GMDS: variants seen among roughly 807,000 people sequenced by gnomAD.
The protein encoded by GMDS is GDP-mannose 4,6-dehydratase.
In GMDS, 20 loss-of-function variants were observed where a neutral mutation model predicts 49.9. That is an observed-to-expected ratio of 0.40 (90% CI 0.28 to 0.58). The LOEUF (loss-of-function observed/expected upper bound fraction) is 0.58, where lower values mean the gene tolerates loss of function less well. Ranked by LOEUF, GMDS falls within the 20% of genes least tolerant of loss-of-function variation. GMDS has a pLI of 0.42. For missense variants in GMDS, 362 were observed against 481.4 expected, an observed-to-expected ratio of 0.75 and a Z score of 2.32; for synonymous variants, 177 against 178.6, an observed-to-expected ratio of 0.99 and a Z score of 0.07.
chr6:1,697,866 C>T (rs542036477), intron 9 of GMDS, among the ~76,000 whole-genome samples: 2 of 152,322 alleles, frequency 1.3e-5, no homozygotes, highest in South Asian at 4.1e-4. Flanking sequence ...TTGGATTGCT[C>T]AAACTGAACG....
chr6:1,686,445 A>G (rs1230151683), intron 9 of GMDS, among the ~76,000 whole-genome samples: 2 of 152,216 alleles, frequency 1.3e-5, no homozygotes, highest in Admixed American at 6.5e-5. Context: ...AGTGAGTGTC[A>G]CTGGGATCTC....
At chr6:1,961,526 G>C (rs190160784) in intron 4 of GMDS, among the ~76,000 whole-genome samples, 62 of 152,264 alleles carry the variant, frequency 4.1e-4, no homozygotes, top group Admixed American at 3.2e-3. Context: ...ACAGCAAGAT[G>C]CTAATGTATA....
rs569854134 is a variant in GMDS, at chr6:2,063,630, C to A, written c.345+52141G>T. ...AAAACCTTTATGAGGCTAGCTCTCACAGGCATGTTCCAAACTCAATAAAAG... is the reference window on the plus strand; with the variant it reads ...AAAACCTTTATGAGGCTAGCTCTCAAAGGCATGTTCCAAACTCAATAAAAG... On this transcript the variant is annotated intron_variant, in intron 4 of 10. Coordinates refer to ENST00000380815, the MANE Select transcript of GMDS (RefSeq NM_001500.4). Among the ~76,000 whole-genome samples, 18 of 152,342 alleles carry A rather than the reference C, an allele frequency of 1.2e-4. No homozygotes were observed. In the South Asian group the frequency reaches 3.5e-3, roughly 30 times the overall value.
intron 7 of GMDS, among the ~76,000 whole-genome samples, chr6:1,763,409 A>G (rs1265637911): frequency 6.6e-6 from 1 of 152,244 alleles, no homozygotes; most frequent in Non-Finnish European, 1.5e-5. Context: ...GCATGGAGAT[A>G]AAACCCCAGC....
intron 1 of GMDS, among the ~76,000 whole-genome samples, chr6:2,132,542 T>C (rs1025904892): frequency 2.6e-5 from 4 of 152,288 alleles, no homozygotes; most frequent in African/African-American, 9.6e-5. Context: ...CCTGTACAGC[T>C]AATCAAAATG....
At chr6:1,936,838 G>A (rs1464629879) in intron 6 of GMDS, among the ~76,000 whole-genome samples, 2 of 151,790 alleles carry the variant, frequency 1.3e-5, no homozygotes, top group Admixed American at 6.6e-5. Flanking sequence ...GTGGTGGTGC[G>A]AGCATATAAT....
Position 1,999,847 on chromosome 6 carries a change from C to T in GMDS, c.346-38881G>A, listed in dbSNP as rs1011216713. Among the ~76,000 whole-genome samples, 16 of 132,256 alleles carry T rather than the reference C, an allele frequency of 1.2e-4. No homozygotes were observed. The Admixed American group carries it at 1.4e-3, about 11-fold the overall frequency. 86.8% of individuals were successfully genotyped at this position (132,256 alleles called of 152,430 possible). A position where few individuals can be genotyped will look rare whatever the true frequency, so the allele number is the denominator to read the frequency against. On this transcript the variant is annotated intron_variant, in intron 4 of 10. Coordinates refer to ENST00000380815, the MANE Select transcript of GMDS (RefSeq NM_001500.4). Reference sequence around the variant, plus strand: ...TTATCTGTTGCCATAGTTCACACAGCTGTTTGGTCTTACTTTTCAAAAATA... The same window carrying T: ...TTATCTGTTGCCATAGTTCACACAGTTGTTTGGTCTTACTTTTCAAAAATA...
chr6:2,066,334 T>C (rs9405543), intron 4 of GMDS, among the ~76,000 whole-genome samples: 73,963 of 124,100 alleles, frequency 0.6, 22,615 homozygotes, highest in East Asian at 0.68. Context: ...TAAAGACCAT[T>C]GAGACTAGGA....
chr6:1,740,194 AG>A (rs1767211390), intron 8 of GMDS, among the ~76,000 whole-genome samples: 1 of 152,154 alleles, frequency 6.6e-6, no homozygotes, highest in African/African-American at 2.4e-5. Flanking sequence ...AAAATATGTT[AG>A]AGAGTTATTA....
At chr6:1,713,789 C>A (rs75260118) in intron 9 of GMDS, among the ~76,000 whole-genome samples, 5,662 of 152,214 alleles carry the variant, frequency 0.037, 271 homozygotes, top group East Asian at 0.22. Flanking sequence ...ATCTGATCCA[C>A]GGGCCTATCT....
chr6:1,770,670 G>A (rs1304134830), intron 7 of GMDS, among the ~76,000 whole-genome samples: 1 of 152,226 alleles, frequency 6.6e-6, no homozygotes, highest in Non-Finnish European at 1.5e-5. Flanking sequence ...TTCCTGTTTT[G>A]AGAGCCAACC....
At chr6:1,993,208 G>C (rs1246868334) in intron 4 of GMDS, among the ~76,000 whole-genome samples, 1 of 152,082 alleles carries the variant, frequency 6.6e-6, no homozygotes, top group Non-Finnish European at 1.5e-5. Flanking sequence ...TTCCTTCTCG[G>C]AGGGTATGGG....
At position 2,071,082 on chromosome 6, in the gene GMDS, GCT is replaced by G. The variant is rs1190565419; in HGVS notation, c.345+44687_345+44688del. Among the ~76,000 whole-genome samples the G allele has an allele frequency of 2.6e-5, 4 of 152,214 alleles. No homozygotes were observed. In the East Asian group the frequency reaches 5.8e-4, roughly 22 times the overall value. On this transcript the variant is annotated intron_variant, in intron 4 of 10. Coordinates refer to ENST00000380815, the MANE Select transcript of GMDS (RefSeq NM_001500.4). ...GAAAGTGCTCTTTTTCCAATGGCTT[GCT>G]CTGTCTCTTGTCCACATACACATCT...
chr6:1,632,339 T>C (rs1002455528), intron 9 of GMDS, among the ~76,000 whole-genome samples: 1 of 152,158 alleles, frequency 6.6e-6, no homozygotes, highest in Non-Finnish European at 1.5e-5. Flanking sequence ...GAAGAGTCCA[T>C]ATTGTACATA....
chr6:2,241,989 G>C (rs565193415), intron 1 of GMDS, among the ~76,000 whole-genome samples: 66 of 152,262 alleles, frequency 4.3e-4, no homozygotes, highest in Middle Eastern at 3.4e-3. Context: ...CTAGATGAAG[G>C]CATGTGGGAG....
At chr6:1,624,406 C>T (rs1392769485) in intron 10 of GMDS, 66 bp downstream of exon 10, 1 of 1,474,454 alleles carries the variant, frequency 6.8e-7, no homozygotes, top group Admixed American at 1.8e-5. Context: ...GCGCCCGACC[C>T]TGAGAGCTGC....
At chr6:1,940,077 T>C (rs1313490096) in intron 6 of GMDS, among the ~76,000 whole-genome samples, 2 of 152,218 alleles carry the variant, frequency 1.3e-5, no homozygotes, top group East Asian at 1.9e-4. Context: ...ATTCTACTTA[T>C]CACACTATAC....
At chr6:1,986,110 T>C (rs1008772669) in intron 4 of GMDS, among the ~76,000 whole-genome samples, 5 of 152,330 alleles carry the variant, frequency 3.3e-5, no homozygotes, top group Admixed American at 6.5e-5. Flanking sequence ...CAAAATAACA[T>C]TGCTTTCCTT....
rs557154178 is a variant in GMDS, at chr6:2,177,749, C to A, written c.103-53018G>T. On this transcript the variant is annotated intron_variant, in intron 1 of 10. Transcript: ENST00000380815. ...GACAGCCCACATCATACTCAACAGGCAAAAGCTGGAAGCATTCCCCTTCAG... is the reference window on the plus strand; with the variant it reads ...GACAGCCCACATCATACTCAACAGGAAAAAGCTGGAAGCATTCCCCTTCAG... 2.0e-5 allele frequency among the ~76,000 whole-genome samples: 3 copies of A among 152,212 alleles called. No individual in the cohort carries two copies. The East Asian group carries it at 5.8e-4, about 29-fold the overall frequency.
Sources: gnomAD v4.1 joint callset for allele counts (sites outside exome capture counted in the v4.1 genomes callset) on GRCh38, gnomAD v4.1.1 for gene constraint, MANE v1.5 for transcripts, NCBI Gene and HGNC (gene_info 2026-07-23, HGNC 2026-07-21) for gene names.